The following SDCCAG8 variants were observed in gnomAD, a reference collection of about 807,000 sequenced individuals.
SDCCAG8 encodes serologically defined colon cancer antigen 8.
A neutral mutation model predicts 101.8 loss-of-function variants in SDCCAG8; 74 were observed. That is an observed-to-expected ratio of 0.73 (90% CI 0.60 to 0.88). The LOEUF is 0.88. Among genes scored for constraint, SDCCAG8 ranks in the 40% least tolerant of loss-of-function variants. The pLI is 0.00. For synonymous variants in SDCCAG8, 281 were observed against 292.9 expected (o/e 0.96, Z 0.41); for missense variants, 787 against 822.6 (o/e 0.96, Z 0.53).
At chr1:243,285,742 A>T (rs1196130154) in intron 4 of SDCCAG8, among the ~76,000 whole-genome samples, 1 of 152,150 alleles carries the variant, frequency 6.6e-6, no homozygotes, top group African/African-American at 2.4e-5. Flanking sequence ...TTTATATTAC[A>T]CCCTGTGAGG....
At chr1:243,477,040 A>G (rs959079190) in intron 16 of SDCCAG8, among the ~76,000 whole-genome samples, 1 of 151,970 alleles carries the variant, frequency 6.6e-6, no homozygotes, top group Non-Finnish European at 1.5e-5. Context: ...ACACAGAGAG[A>G]AAGGCAGGAG....
chr1:243,270,379 G>A, intron 2 of SDCCAG8, 122 bp downstream of exon 2: 13 of 1,028,264 alleles, frequency 1.3e-5, no homozygotes, highest in Non-Finnish European at 1.9e-5. Flanking sequence ...ACACAAATCA[G>A]ATAATTTAAT....
chr1:243,438,485 T>C (rs1248018221), intron 16 of SDCCAG8, among the ~76,000 whole-genome samples: 1 of 152,142 alleles, frequency 6.6e-6, no homozygotes, highest in Non-Finnish European at 1.5e-5. Context: ...GAAGATTATC[T>C]GGCTTTTGCC....
chr1:243,317,789 G>A (rs2073389066), intron 9 of SDCCAG8, among the ~76,000 whole-genome samples: 1 of 152,178 alleles, frequency 6.6e-6, no homozygotes, highest in African/African-American at 2.4e-5. Flanking sequence ...CGTTAAAGTT[G>A]CATGTATTTT....
At chr1:243,320,208 G>A (rs150494255) in intron 9 of SDCCAG8, among the ~76,000 whole-genome samples, 152 of 152,196 alleles carry the variant, frequency 1.0e-3, no homozygotes, top group African/African-American at 3.3e-3. Flanking sequence ...AGTTTCTAAC[G>A]TTTTCTTGAA....
At chr1:243,417,889 T>C (rs2080707612) in intron 14 of SDCCAG8, 79 bp from the exon 15 acceptor site, 1 of 1,023,072 alleles carries the variant, frequency 9.8e-7, no homozygotes, top group African/African-American at 1.6e-5. Context: ...CTAAGCACTT[T>C]ACCACTCTAT....
intron 1 of SDCCAG8, among the ~76,000 whole-genome samples, chr1:243,269,561 A>G (rs1375891765): frequency 1.3e-5 from 2 of 151,692 alleles, no homozygotes; most frequent in African/African-American, 2.4e-5. Flanking sequence ...CACTATAAGC[A>G]CTTCAGCTAT....
chr1:243,344,355 G>A (rs2075573040), intron 12 of SDCCAG8, 24 bp downstream of exon 12: 1 of 1,436,994 alleles, frequency 7.0e-7, no homozygotes, highest in African/African-American at 1.4e-5. Flanking sequence ...CAGCATAATT[G>A]CAGCAATTAT....
At chr1:243,350,423 G>A (rs1461632976) in intron 12 of SDCCAG8, among the ~76,000 whole-genome samples, 1 of 152,054 alleles carries the variant, frequency 6.6e-6, no homozygotes, top group Non-Finnish European at 1.5e-5. Context: ...TTACCGTGTT[G>A]CCCAGGCTGG....
chr1:243,476,596 A>T (rs1483310129), intron 16 of SDCCAG8, among the ~76,000 whole-genome samples: 2 of 152,248 alleles, frequency 1.3e-5, no homozygotes, highest in African/African-American at 4.8e-5. Flanking sequence ...AAAACACAGC[A>T]GTGTGCCCCC....
At chr1:243,371,958 T>C (rs6695785) in intron 12 of SDCCAG8, among the ~76,000 whole-genome samples, 71,353 of 151,896 alleles carry the variant, frequency 0.47, 18,682 homozygotes, top group East Asian at 0.81. Flanking sequence ...CAAAGCAAGC[T>C]AGTGCAGCTC....
intron 9 of SDCCAG8, among the ~76,000 whole-genome samples, chr1:243,328,483 G>A (rs910960729): frequency 1.3e-5 from 2 of 151,806 alleles, no homozygotes; most frequent in Admixed American, 6.6e-5. Context: ...CACCATGTTG[G>A]CCTGGCTGGT....
At chr1:243,277,680 C>G (rs934480806) in intron 4 of SDCCAG8, among the ~76,000 whole-genome samples, 1 of 152,004 alleles carries the variant, frequency 6.6e-6, no homozygotes, top group African/African-American at 2.4e-5. Context: ...TTTTTTCTTT[C>G]ATAGATTGTA....
At chr1:243,488,268 T>A (rs930677030) in intron 16 of SDCCAG8, 4 of 152,504 alleles carry the variant, frequency 2.6e-5, no homozygotes, top group African/African-American at 9.6e-5. Context: ...TGAGCTTTAA[T>A]GGCCTTTTCC....
intron 1 of SDCCAG8, among the ~76,000 whole-genome samples, chr1:243,259,577 T>C (rs1211594612): frequency 1.3e-5 from 2 of 152,060 alleles, no homozygotes; most frequent in Non-Finnish European, 2.9e-5. Flanking sequence ...CCCAGCACTT[T>C]GGGAGGCCGA....
In SDCCAG8 at chr1:243,459,752, G is replaced by A. The variant is rs545768329; in HGVS notation, c.1986-29262G>A. Among the ~76,000 whole-genome samples the A allele has an allele frequency of 1.3e-4, 20 of 152,180 alleles. No homozygotes were observed. In the East Asian group the frequency reaches 2.1e-3, roughly 16 times the overall value. On this transcript the variant is annotated intron_variant, in intron 16 of 17. Transcript: ENST00000366541. ...CTCTTGAGTAGCTGGGACTACAGGCGTACCAACACCCTCAGCTGATATTTT... is the reference window on the plus strand; with the variant it reads ...CTCTTGAGTAGCTGGGACTACAGGCATACCAACACCCTCAGCTGATATTTT...
chr1:243,313,039 G>A (rs763571963), intron 8 of SDCCAG8, among the ~76,000 whole-genome samples: 5 of 152,162 alleles, frequency 3.3e-5, no homozygotes, highest in Non-Finnish European at 7.3e-5. Context: ...GTAGCTCACA[G>A]TACCTTGGAG....
chr1:243,274,321 A>G (rs1349394648), intron 3 of SDCCAG8, among the ~76,000 whole-genome samples: 3 of 152,158 alleles, frequency 2.0e-5, no homozygotes, highest in African/African-American at 7.2e-5. Flanking sequence ...CCCACCTCCA[A>G]TGCTGGGGGC....
intron 12 of SDCCAG8, among the ~76,000 whole-genome samples, chr1:243,367,271 T>A (rs531926397): frequency 1.3e-5 from 2 of 152,260 alleles, no homozygotes; most frequent in Admixed American, 1.3e-4. Context: ...CTACTTTTTT[T>A]ATATGGAGAT....
Sources: allele counts gnomAD v4.1 joint callset (sites outside exome capture counted in the v4.1 genomes callset), GRCh38; gene constraint gnomAD v4.1.1; transcripts MANE v1.5; gene names NCBI Gene and HGNC (gene_info 2026-07-23, HGNC 2026-07-21).